Variants in EFHB observed in about 807,000 individuals in gnomAD.
EFHB encodes the protein EF-hand domain-containing family member B.
EFHB carries 91 observed loss-of-function variants against 87.2 expected under a neutral mutation model. The observed-to-expected ratio is 1.04, with a 90% CI of 0.88 to 1.24. EFHB has a LOEUF of 1.24. Among genes scored for constraint, EFHB ranks in the 50% most tolerant of loss-of-function variants. The pLI, the probability that EFHB is intolerant of heterozygous loss-of-function variation, is 0.00. For missense variants in EFHB, 1,084 were observed against 998.8 expected (o/e 1.09, Z -1.15); for synonymous variants, 325 against 333.6 (o/e 0.97, Z 0.28).
intron 5 of EFHB, among the ~76,000 whole-genome samples, chr3:19,908,075 A>G (rs1460784073): frequency 1.3e-5 from 2 of 152,200 alleles, no homozygotes; most frequent in African/African-American, 4.8e-5. Context: ...GTATATCAAC[A>G]ATATGTTTTT....
intron 5 of EFHB, among the ~76,000 whole-genome samples, chr3:19,912,974 T>A (rs899451257): frequency 6.6e-6 from 1 of 152,164 alleles, no homozygotes; most frequent in African/African-American, 2.4e-5. Flanking sequence ...CTGATAAAAT[T>A]CAACATCCCT....
chr3:19,897,421 C>G (rs999094710), intron 8 of EFHB, among the ~76,000 whole-genome samples: 11 of 152,216 alleles, frequency 7.2e-5, no homozygotes, highest in Non-Finnish European at 1.5e-4. Context: ...CTGACCCACA[C>G]CCCAACTAGA....
upstream of EFHB, chr3:19,934,364 C>T (rs915166821): frequency 1.3e-6 from 1 of 768,984 alleles, no homozygotes; most frequent in African/African-American, 2.0e-5. Context: ...CTCTCTCTCC[C>T]CTCTTCTCTC....
At chr3:19,919,349 A>C (rs1193999998) in intron 3 of EFHB, among the ~76,000 whole-genome samples, 2 of 148,688 alleles carry the variant, frequency 1.3e-5, no homozygotes, top group African/African-American at 4.9e-5. Flanking sequence ...GGCGCCTGCT[A>C]CCATGCCCCA....
At position 19,884,615 on chromosome 3, in the gene EFHB, C is replaced by T. The variant is rs539363853; in HGVS notation, c.1934G>A (p.Gly645Asp). 6.2e-7 allele frequency: 1 copy of T among 1,609,878 alleles called. No individual in the cohort carries two copies. Among genetic ancestry groups the T allele is most frequent in the South Asian group, 1.1e-5 (1 of 90,188 alleles). Residue 645 changes from glycine (G) to aspartate (D), a missense_variant and splice_region_variant, in exon 11 of 13, where the codon GGT (glycine) becomes GAT (aspartate). Gly to Asp is a moderately conservative substitution (Grantham distance 94). Coordinates refer to ENST00000295824, the MANE Select transcript of EFHB (RefSeq NM_144715.4). The stretch of plus-strand genomic sequence containing the variant: ...AGGGTTTACACAATCTGGTTTTCTA[C>T]CTTTAAGGAAAATAAATGAAAGAAA... ...KEYEERVIIK[G>D]RKPDCVNPTE...
intron 1 of EFHB, chr3:19,941,426 T>TAC (rs1696154980): frequency 1.2e-5 from 2 of 162,562 alleles, no homozygotes; most frequent in African/African-American, 2.4e-5. Context: ...TGATGTCCTT[T>TAC]GTATGCTTGT....
rs571744308 is a variant in EFHB at position 19,915,240 on chromosome 3, T to C, written c.1288+63A>G. On this transcript the variant is annotated intron_variant, in intron 5 of 12. Transcript: ENST00000295824. ...TAACTTTATGTACCAATTTCCTTTA[T>C]TCCTCTTCACAAATCCGAGAGTCCC... 677 of 1,044,924 alleles carry C rather than the reference T, an allele frequency of 6.5e-4. 1 individual carries two copies. Among genetic ancestry groups the C allele is most frequent in the Non-Finnish European group, 8.0e-4 (557 of 693,974 alleles). 64.7% of individuals were successfully genotyped at this position (1,044,924 alleles called of 1,614,324 possible). A position where few individuals can be genotyped will look rare whatever the true frequency, so the allele number is the denominator to read the frequency against.
chr3:19,903,508 T>A (rs1440275235), intron 6 of EFHB, among the ~76,000 whole-genome samples: 1 of 151,968 alleles, frequency 6.6e-6, no homozygotes, highest in Non-Finnish European at 1.5e-5. Flanking sequence ...TAAATATCTG[T>A]AGTCCTTAAA....
At chr3:19,908,482 G>A (rs970758221) in intron 5 of EFHB, among the ~76,000 whole-genome samples, 3 of 151,222 alleles carry the variant, frequency 2.0e-5, no homozygotes, top group African/African-American at 4.9e-5. Flanking sequence ...GCAGTGAGCC[G>A]AGATCAGGCC....
chr3:19,913,929 A>G (rs1695141864), intron 5 of EFHB, among the ~76,000 whole-genome samples: 2 of 152,176 alleles, frequency 1.3e-5, no homozygotes, highest in Non-Finnish European at 2.9e-5. Context: ...ACATACACTG[A>G]GGAAAAGAGA....
chr3:19,936,361 C>G (rs1022057931), upstream of EFHB: 1 of 523,854 alleles, frequency 1.9e-6, no homozygotes, highest in Non-Finnish European at 3.4e-6. Flanking sequence ...TCCAGGAGTT[C>G]AAGACATGCA....
intron 8 of EFHB, 63 bp from the exon 9 acceptor site, chr3:19,896,904 T>G (rs1291009479): frequency 3.5e-6 from 5 of 1,423,248 alleles, no homozygotes; most frequent in Non-Finnish European, 4.7e-6. Context: ...TTTCTATCTT[T>G]TAAAAAAAGT....
chr3:19,902,924 C>T (rs1372425585), intron 6 of EFHB, among the ~76,000 whole-genome samples: 1 of 152,030 alleles, frequency 6.6e-6, no homozygotes, highest in Non-Finnish European at 1.5e-5. Flanking sequence ...CGCCTGTAAT[C>T]CCAGCACTTT....
chr3:19,924,570 C>T (rs1695551839), intron 1 of EFHB, among the ~76,000 whole-genome samples: 3 of 152,156 alleles, frequency 2.0e-5, no homozygotes, highest in Admixed American at 6.5e-5. Flanking sequence ...TCGTGGATTT[C>T]TATTTTATTC....
intron 6 of EFHB, among the ~76,000 whole-genome samples, chr3:19,902,851 A>G (rs1390891497): frequency 6.6e-6 from 1 of 152,144 alleles, no homozygotes; most frequent in Admixed American, 6.6e-5. Context: ...GAATTTCTCT[A>G]CTGCTAGCAA....
Position 19,933,254 on chromosome 3 carries a change from A to C in EFHB, c.765T>G (p.Phe255Leu). The change falls in exon 1 of 13, where the codon TTT (phenylalanine) becomes TTG (leucine). Residue 255 changes from phenylalanine to leucine, a missense_variant. Transcript: ENST00000295824. ...RIRPIYSGKFFDRTPCWPSAG... is the reference protein window; with the variant it reads ...RIRPIYSGKFLDRTPCWPSAG... Reference sequence around the variant, plus strand: ...CACTTGGCCAGCAAGGGGTCCGATCAAAAAACTTCCCAGAGTATATGGGTC... The same window carrying C: ...CACTTGGCCAGCAAGGGGTCCGATCCAAAAACTTCCCAGAGTATATGGGTC... The C allele has an allele frequency of 1.2e-6, 2 of 1,613,472 alleles. No homozygotes were observed. The highest frequency in any genetic ancestry group is 1.7e-6 in the Non-Finnish European group (2 of 1,179,438).
intron 10 of EFHB, 77 bp downstream of exon 10, chr3:19,888,367 T>A: frequency 1.2e-6 from 1 of 821,694 alleles, no homozygotes. Flanking sequence ...TGAGACCTCG[T>A]CTGTATTAAA....
chr3:19,922,848 G>A (rs973907853), intron 1 of EFHB, among the ~76,000 whole-genome samples: 10 of 152,292 alleles, frequency 6.6e-5, no homozygotes, highest in Admixed American at 1.3e-4. Flanking sequence ...CACATGCTAT[G>A]TGCTATATAA....
At chr3:19,924,238 G>T (rs1284605262) in intron 1 of EFHB, among the ~76,000 whole-genome samples, 1 of 146,574 alleles carries the variant, frequency 6.8e-6, no homozygotes. Context: ...TTTTGAGACA[G>T]AGTCGTCCTC....
Sources: allele counts gnomAD v4.1 joint callset (sites outside exome capture counted in the v4.1 genomes callset), GRCh38; gene constraint gnomAD v4.1.1; transcripts MANE v1.5; gene names NCBI Gene and HGNC (gene_info 2026-07-23, HGNC 2026-07-21).